Variants in ASIC2 observed in about 807,000 individuals in gnomAD.
ASIC2 encodes acid-sensing ion channel 2.
A neutral mutation model predicts 57.3 loss-of-function variants in ASIC2; 25 were observed. The observed-to-expected ratio is 0.44, with a 90% CI of 0.32 to 0.61. The LOEUF (loss-of-function observed/expected upper bound fraction) is 0.61. ASIC2 is among the 20% of genes least tolerant of loss of function. ASIC2 has a pLI of 0.06. For missense variants in ASIC2, 641 were observed against 738.1 expected (o/e 0.87, Z 1.52); for synonymous variants, 319 against 307.5 (o/e 1.04, Z -0.39).
intron 1 of ASIC2, among the ~76,000 whole-genome samples, chr17:33,507,353 C>CG (rs1316044154): frequency 6.6e-6 from 1 of 152,202 alleles, no homozygotes; most frequent in Non-Finnish European, 1.5e-5. Flanking sequence ...GATAAATCAT[C>CG]GCTCTGTGGT....
intron 3 of ASIC2, among the ~76,000 whole-genome samples, chr17:33,077,280 T>C (rs1005944276): frequency 6.6e-6 from 1 of 152,146 alleles, no homozygotes; most frequent in Non-Finnish European, 1.5e-5. Flanking sequence ...GAGTGATGAC[T>C]CTCATTTCAG....
chr17:33,225,454 G>A (rs1449856812), intron 1 of ASIC2, among the ~76,000 whole-genome samples: 1 of 152,200 alleles, frequency 6.6e-6, no homozygotes, highest in Non-Finnish European at 1.5e-5. Flanking sequence ...AACAGTACCT[G>A]GCATCTAGTC....
At chr17:34,074,806 GAC>G (rs1461600175) in intron 1 of ASIC2, among the ~76,000 whole-genome samples, 1 of 104,542 alleles carries the variant, frequency 9.6e-6, no homozygotes, top group African/African-American at 4.0e-5. Context: ...TTTTTTTTGA[GAC>G]AGAGTCTCCC....
chr17:33,686,423 GT>G (rs971271198), intron 1 of ASIC2, among the ~76,000 whole-genome samples: 12 of 152,142 alleles, frequency 7.9e-5, no homozygotes, highest in African/African-American at 2.9e-4. Flanking sequence ...CTCTTGTCCT[GT>G]TCAGTATGTA....
At chr17:34,034,148 A>C (rs926440047) in intron 1 of ASIC2, among the ~76,000 whole-genome samples, 5 of 152,200 alleles carry the variant, frequency 3.3e-5, no homozygotes, top group African/African-American at 1.2e-4. Context: ...CAGCACATCA[A>C]AAAGCTTATC....
intron 2 of ASIC2, among the ~76,000 whole-genome samples, chr17:33,107,996 T>C (rs901340890): frequency 2.6e-5 from 4 of 152,228 alleles, no homozygotes; most frequent in African/African-American, 9.6e-5. Context: ...AGTGTTTTTT[T>C]TGACCATCTT....
intron 1 of ASIC2, among the ~76,000 whole-genome samples, chr17:33,311,352 A>G (rs1906407555): frequency 6.6e-6 from 1 of 151,808 alleles, no homozygotes; most frequent in African/African-American, 2.4e-5. Flanking sequence ...CTACTAGATG[A>G]TGTACCACCC....
In ASIC2 at chr17:33,672,930, G is replaced by T. The variant is rs138925967; in HGVS notation, c.555+483048C>A. ...AATAGCCATAATATCAATATCATAG[G>T]TTTGTGAAATGGGTCAATAAAATAA... On this transcript the variant is annotated intron_variant, in intron 1 of 9. Coordinates refer to the ASIC2 transcript ENST00000359872. Among the ~76,000 whole-genome samples, 984 of 152,248 alleles carry T rather than the reference G, an allele frequency of 6.5e-3. 6 individuals carry two copies. The highest frequency in any genetic ancestry group is 0.022 in the African/African-American group (933 of 41,532).
intron 1 of ASIC2, among the ~76,000 whole-genome samples, chr17:33,746,108 G>A (rs1408912855): frequency 6.6e-6 from 1 of 151,796 alleles, no homozygotes; most frequent in Admixed American, 6.6e-5. Context: ...ACAGAAACAA[G>A]TGGAAATTCT....
chr17:33,089,111 C>T (rs1031922347), intron 2 of ASIC2, 121 bp from the exon 3 acceptor site: 6 of 1,328,312 alleles, frequency 4.5e-6, no homozygotes, highest in Non-Finnish European at 6.0e-6. Flanking sequence ...TAATGGCCCC[C>T]AAAGGTGTCC....
At chr17:34,107,653 C>T (rs1230594366) in intron 1 of ASIC2, among the ~76,000 whole-genome samples, 1 of 152,214 alleles carries the variant, frequency 6.6e-6, no homozygotes, top group Non-Finnish European at 1.5e-5. Context: ...TTCTCCCCCA[C>T]CACAAGTCCA....
At chr17:33,742,371 T>C (rs1350369704) in intron 1 of ASIC2, among the ~76,000 whole-genome samples, 1 of 152,208 alleles carries the variant, frequency 6.6e-6, no homozygotes, top group African/African-American at 2.4e-5. Flanking sequence ...GGCTGACTTC[T>C]ACTTATCCTT....
chr17:34,028,970 C>T (rs1411978201), intron 1 of ASIC2, among the ~76,000 whole-genome samples: 1 of 152,116 alleles, frequency 6.6e-6, no homozygotes, highest in Non-Finnish European at 1.5e-5. Context: ...TTTCTCATTG[C>T]CTGGAATACT....
At chr17:33,916,454 C>T (rs1249292384) in intron 1 of ASIC2, among the ~76,000 whole-genome samples, 5 of 152,190 alleles carry the variant, frequency 3.3e-5, no homozygotes, top group Non-Finnish European at 5.9e-5. Context: ...TCATCTGAAT[C>T]CCTGAATCAT....
chr17:33,891,089 G>A (rs556439578), intron 1 of ASIC2, among the ~76,000 whole-genome samples: 39 of 152,234 alleles, frequency 2.6e-4, no homozygotes, highest in African/African-American at 8.2e-4. Context: ...TGGGTGGCTG[G>A]TTCTCTCTTC....
chr17:33,685,245 C>T (rs1409682088), intron 1 of ASIC2, among the ~76,000 whole-genome samples: 1 of 152,212 alleles, frequency 6.6e-6, no homozygotes, highest in African/African-American at 2.4e-5. Context: ...CAATCCTTCA[C>T]CCCTGGAGTG....
chr17:34,100,135 G>A (rs2142099477), intron 1 of ASIC2, among the ~76,000 whole-genome samples: 1 of 151,564 alleles, frequency 6.6e-6, no homozygotes, highest in East Asian at 1.9e-4. Context: ...AGGAAAGGGA[G>A]AAGCCATGTG....
At chr17:33,994,147 T>G (rs1284062828) in intron 1 of ASIC2, among the ~76,000 whole-genome samples, 1 of 152,182 alleles carries the variant, frequency 6.6e-6, no homozygotes, top group East Asian at 1.9e-4. Context: ...CAGAGCTGTC[T>G]GAGGCTGGTG....
intron 1 of ASIC2, among the ~76,000 whole-genome samples, chr17:33,216,691 G>A (rs906221639): frequency 6.6e-6 from 1 of 152,206 alleles, no homozygotes; most frequent in South Asian, 2.1e-4. Flanking sequence ...GGGATCATCA[G>A]GGACTATAGA....
Sources: allele counts gnomAD v4.1 joint callset (sites outside exome capture counted in the v4.1 genomes callset), GRCh38; gene constraint gnomAD v4.1.1; transcripts MANE v1.5; gene names NCBI Gene and HGNC (gene_info 2026-07-23, HGNC 2026-07-21).